The following CLN8 variants were observed in gnomAD, a reference collection of about 807,000 sequenced individuals.
CLN8 encodes the protein CLN8 transmembrane ER and ERGIC protein.
A neutral mutation model predicts 15.7 loss-of-function variants in CLN8; 14 were observed. The ratio of observed to expected loss-of-function variants is 0.89; its 90% CI spans 0.59 to 1.39. The LOEUF (loss-of-function observed/expected upper bound fraction) is 1.39, where lower values mean the gene tolerates loss of function less well. Among genes scored for constraint, CLN8 ranks in the 40% most tolerant of loss-of-function variants. The probability of loss-of-function intolerance (pLI) is 0.00; values close to 1 mark genes in which losing one functional copy is unlikely to be tolerated. For missense variants in CLN8, 415 were observed against 364.0 expected, an observed-to-expected ratio of 1.14 and a Z score of -1.14; for synonymous variants, 188 against 151.0, an observed-to-expected ratio of 1.25 and a Z score of -1.80.
exon 1 of CLN8, chr8:1,755,828 G>C (rs1252295815): frequency 6.6e-6 from 1 of 152,218 alleles, no homozygotes; most frequent in Non-Finnish European, 1.5e-5. Context: ...AGCTCCGCTT[G>C]TCCCAGGCAG....
chr8:1,770,921 C>A lies in CLN8; in HGVS notation c.-123-11C>A. The A allele has an allele frequency of 1.3e-6, 1 of 796,430 alleles. No individual in the cohort carries two copies. The highest frequency in any genetic ancestry group is 1.5e-5 in the South Asian group (1 of 68,548). 49.3% of individuals were successfully genotyped at this position (796,430 alleles called of 1,614,324 possible). A position where few individuals can be genotyped will look rare whatever the true frequency, so the allele number is the denominator to read the frequency against. ...ATCGAGTCAACACAAAATGAATGAT[C>A]TTTCTTTTAGATTGAAGATGGATAC... On this transcript the variant is annotated splice_polypyrimidine_tract_variant and intron_variant, in intron 1 of 2. Coordinates refer to ENST00000331222, the MANE Select transcript of CLN8 (RefSeq NM_018941.4).
rs916089116 is a variant in CLN8, at chr8:1,784,519, T to G, written c.*3952T>G. The G allele has an allele frequency of 1.3e-5, 2 of 152,196 alleles. No homozygotes were observed. The highest frequency in any genetic ancestry group is 2.9e-5 in the Non-Finnish European group (2 of 68,044). The allele number at this position is 152,196 out of a possible 1,614,324, so 9.4% of individuals were successfully genotyped here. On this transcript the variant is annotated 3_prime_UTR_variant, in exon 3 of 3. Coordinates refer to ENST00000331222, the MANE Select transcript of CLN8 (RefSeq NM_018941.4). ...CACCGCAATGACAATTACAATGTCA[T>G]GTGAATTCTGGAGGGGACACGGTCA...
chr8:1,766,808 C>T (rs1007502467), intron 1 of CLN8, among the ~76,000 whole-genome samples: 2 of 152,212 alleles, frequency 1.3e-5, no homozygotes, highest in African/African-American at 2.4e-5. Context: ...CAGTGGGAAC[C>T]CCTGTGTCCC....
In CLN8 at chr8:1,772,736, T is replaced by C. The variant is rs556506514; in HGVS notation, c.543+1139T>C. The stretch of plus-strand genomic sequence containing the variant: ...CTCAGGTGATCTCCCCGCCTTGGCC[T>C]CCCAAAATGCTGGGATTACAGGCAT... On this transcript the variant is annotated intron_variant, in intron 2 of 2. Coordinates refer to ENST00000331222, the MANE Select transcript of CLN8 (RefSeq NM_018941.4). Among the ~76,000 whole-genome samples the C allele has an allele frequency of 1.7e-3, 260 of 152,264 alleles. 4 individuals carry two copies. Among genetic ancestry groups the C allele is most frequent in the African/African-American group, 6.0e-3 (251 of 41,558 alleles).
chr8:1,767,894 G>A (rs1801132402), intron 1 of CLN8, among the ~76,000 whole-genome samples: 1 of 151,294 alleles, frequency 6.6e-6, no homozygotes, highest in Non-Finnish European at 1.5e-5. Flanking sequence ...TCTTTTTCCT[G>A]TAGTCAGATT....
chr8:1,759,878 AT>A (rs1225270419), upstream of CLN8: 5 of 152,044 alleles, frequency 3.3e-5, no homozygotes, highest in Admixed American at 3.3e-4. Context: ...CCTCTCGCTC[AT>A]TATACATCCC....
intron 1 of CLN8, among the ~76,000 whole-genome samples, chr8:1,766,124 G>C (rs996274924): frequency 1.3e-5 from 2 of 152,160 alleles, no homozygotes; most frequent in African/African-American, 2.4e-5. Context: ...TGATGTGTTT[G>C]CATTCAGATT....
chr8:1,766,399 T>TG (rs995115704), intron 1 of CLN8, among the ~76,000 whole-genome samples: 1 of 149,356 alleles, frequency 6.7e-6, no homozygotes, highest in African/African-American at 2.5e-5. Flanking sequence ...TGTTTTTTTT[T>TG]TTTTTTTTGA....
chr8:1,779,802 C>G (rs543275389), intron 2 of CLN8, among the ~76,000 whole-genome samples: 1 of 152,198 alleles, frequency 6.6e-6, no homozygotes, highest in South Asian at 2.1e-4. Context: ...TGACACTAAT[C>G]TCATCATGGG....
At position 1,780,305 on chromosome 8, in the gene CLN8, T is replaced by C. The variant is rs368646951; in HGVS notation, c.599T>C (p.Met200Thr). ...WKLNQWLMIH[M>T]FHCRMVLTYH... ...CTCAACCAGTGGCTGATGATTCACATGTTTCACTGCCGCATGGTTCTAACC... is the reference window on the plus strand; with the variant it reads ...CTCAACCAGTGGCTGATGATTCACACGTTTCACTGCCGCATGGTTCTAACC... Residue 200 changes from methionine (M) to threonine (T), a missense_variant, in exon 3 of 3, where the codon ATG becomes ACG. Physicochemically the swap from Met to Thr is moderately conservative, Grantham distance 81. Coordinates refer to ENST00000331222, the MANE Select transcript of CLN8 (RefSeq NM_018941.4). 2.0e-5 allele frequency: 32 copies of C among 1,614,252 alleles called. No individual in the cohort carries two copies. The African/African-American group carries it at 3.5e-4, about 17-fold the overall frequency.
intron 2 of CLN8, among the ~76,000 whole-genome samples, chr8:1,778,283 A>C (rs943003394): frequency 3.9e-5 from 6 of 152,234 alleles, no homozygotes; most frequent in Non-Finnish European, 5.9e-5. Context: ...GACATATCAA[A>C]AACCTCCAAG....
upstream of CLN8, among the ~76,000 whole-genome samples, chr8:1,753,861 G>C (rs1032830385): frequency 6.6e-6 from 1 of 151,542 alleles, no homozygotes; most frequent in Non-Finnish European, 1.5e-5. Flanking sequence ...ACTCCAGCCT[G>C]AGTGACAAGA....
At chr8:1,756,269 G>T (rs1800667498) in intron 1 of CLN8, among the ~76,000 whole-genome samples, 1 of 152,090 alleles carries the variant, frequency 6.6e-6, no homozygotes, top group Non-Finnish European at 1.5e-5. Flanking sequence ...GGATCATGAG[G>T]TCAGGAGTTC....
chr8:1,770,416 G>A (rs573025342), intron 1 of CLN8, among the ~76,000 whole-genome samples: 69 of 152,308 alleles, frequency 4.5e-4, no homozygotes, highest in South Asian at 3.1e-3. Flanking sequence ...GTAGGTCACA[G>A]TGAGGAGTTC....
intron 2 of CLN8, among the ~76,000 whole-genome samples, chr8:1,779,774 G>A (rs999085484): frequency 2.0e-5 from 3 of 152,122 alleles, no homozygotes; most frequent in Admixed American, 6.5e-5. Context: ...GGAAGGCTCT[G>A]GTCTCTTTCT....
upstream of CLN8, chr8:1,758,899 G>C (rs1800729928): frequency 6.6e-6 from 1 of 152,184 alleles, no homozygotes; most frequent in Non-Finnish European, 1.5e-5. Context: ...TCCTAGATCA[G>C]GGAAAAGACC....
chr8:1,766,583 A>C (rs1025378582), intron 1 of CLN8, among the ~76,000 whole-genome samples: 1 of 151,774 alleles, frequency 6.6e-6, no homozygotes, highest in Non-Finnish European at 1.5e-5. Flanking sequence ...AGTAGAGACA[A>C]GGTTTCACCA....
upstream of CLN8, chr8:1,763,006 G>T (rs1372120793): frequency 6.6e-6 from 1 of 152,196 alleles, no homozygotes; most frequent in Non-Finnish European, 1.5e-5. Flanking sequence ...AGAAACATAA[G>T]TAACTCGAAT....
At chr8:1,778,002 T>C (rs1315003558) in intron 2 of CLN8, among the ~76,000 whole-genome samples, 1 of 152,264 alleles carries the variant, frequency 6.6e-6, no homozygotes, top group Non-Finnish European at 1.5e-5. Context: ...CCCTGGGCAC[T>C]GCTGTAGGTG....
Sources: allele counts gnomAD v4.1 joint callset (sites outside exome capture counted in the v4.1 genomes callset), GRCh38; gene constraint gnomAD v4.1.1; transcripts MANE v1.5; gene names NCBI Gene and HGNC (gene_info 2026-07-23, HGNC 2026-07-21).